The following IL1RAPL1 variants were observed in gnomAD, a reference collection of about 807,000 sequenced individuals.
IL1RAPL1 encodes interleukin 1 receptor accessory protein like 1, also known as interleukin-1 receptor accessory protein-like 1.
A neutral mutation model predicts 48.4 loss-of-function variants in IL1RAPL1; 3 were observed. The observed-to-expected ratio is 0.06, with a 90% CI of 0.03 to 0.16. IL1RAPL1 has a LOEUF of 0.16. IL1RAPL1 is among the 10% of genes least tolerant of loss of function. The pLI, the probability that IL1RAPL1 is intolerant of heterozygous loss-of-function variation, is 1.00. For synonymous variants in IL1RAPL1, 185 were observed against 187.7 expected, an observed-to-expected ratio of 0.99 and a Z score of 0.12; for missense variants, 349 against 530.6, an observed-to-expected ratio of 0.66 and a Z score of 3.36.
At chrX:29,132,378 A>G (rs1929039770) in intron 2 of IL1RAPL1, among the ~76,000 whole-genome samples, 1 of 112,249 alleles carries the variant, frequency 8.9e-6, no homozygotes, top group South Asian at 3.7e-4. Flanking sequence ...CTATAATGTC[A>G]TAGTGTAACA....
At chrX:29,757,398 T>G (rs760279937) in intron 6 of IL1RAPL1, among the ~76,000 whole-genome samples, 1 of 111,772 alleles carries the variant, frequency 8.9e-6, no homozygotes, top group African/African-American at 3.3e-5. Flanking sequence ...AGAAATATAA[T>G]ATGGAGCTAT....
chrX:29,806,684 A>T (rs1452846404), intron 6 of IL1RAPL1, among the ~76,000 whole-genome samples: 3 of 111,482 alleles, frequency 2.7e-5, no homozygotes, highest in African/African-American at 9.8e-5. Context: ...TTAATTTTTT[A>T]AAGTATCATT....
intron 5 of IL1RAPL1, among the ~76,000 whole-genome samples, chrX:29,632,962 A>T (rs766124851): frequency 5.4e-4 from 60 of 112,130 alleles, no homozygotes; most frequent in African/African-American, 1.8e-3. Context: ...TATCATTTTT[A>T]AAAACTGTCA....
At chrX:29,625,557 A>G (rs1341415931) in intron 5 of IL1RAPL1, among the ~76,000 whole-genome samples, 1 of 111,939 alleles carries the variant, frequency 8.9e-6, no homozygotes, top group African/African-American at 3.2e-5. Context: ...TTCAAACTAC[A>G]CAATTCTATA....
chrX:28,726,245 G>A (rs775718233), intron 1 of IL1RAPL1, among the ~76,000 whole-genome samples: 2 of 111,989 alleles, frequency 1.8e-5, no homozygotes, highest in South Asian at 3.7e-4. Flanking sequence ...TGAGTCTCAG[G>A]TGACTCCAAA....
chrX:29,047,542 A>G (rs1926999165), intron 2 of IL1RAPL1, among the ~76,000 whole-genome samples: 1 of 111,854 alleles, frequency 8.9e-6, no homozygotes. Flanking sequence ...GCATTTTCAA[A>G]ATGGCAAAGA....
chrX:29,944,074 G>A (rs1247443391), intron 9 of IL1RAPL1, among the ~76,000 whole-genome samples: 1 of 111,596 alleles, frequency 9.0e-6, no homozygotes, highest in East Asian at 2.8e-4. Flanking sequence ...GCACAATCGA[G>A]GGTCTAACTA....
At chrX:29,532,832 G>C (rs1448852845) in intron 5 of IL1RAPL1, among the ~76,000 whole-genome samples, 1 of 111,820 alleles carries the variant, frequency 8.9e-6, no homozygotes, top group East Asian at 2.8e-4. Flanking sequence ...TTAACTTGCA[G>C]TAAGGTGAAG....
rs769693378 is a variant in IL1RAPL1 at position 28,965,539 on chromosome X, A to T, written c.82+176114A>T. ...AGGAATTAAGTTATAGTCTCTAAGGACAGCTTCAAAACTTCACAACTCATT... is the reference window on the plus strand; with the variant it reads ...AGGAATTAAGTTATAGTCTCTAAGGTCAGCTTCAAAACTTCACAACTCATT... On this transcript the variant is annotated intron_variant, in intron 2 of 10. Coordinates refer to ENST00000378993, the MANE Select transcript of IL1RAPL1 (RefSeq NM_014271.4). 7.1e-5 allele frequency among the ~76,000 whole-genome samples: 8 copies of T among 112,103 alleles called. No homozygotes were observed. In the South Asian group the frequency reaches 3.0e-3, roughly 42 times the overall value.
At chrX:28,683,067 A>G (rs1020960066) in intron 1 of IL1RAPL1, among the ~76,000 whole-genome samples, 4 of 112,074 alleles carry the variant, frequency 3.6e-5, no homozygotes, top group Non-Finnish European at 7.5e-5. Context: ...CATCATGATG[A>G]GAACATTTTT....
chrX:29,087,356 T>G (rs1291466428), intron 2 of IL1RAPL1, among the ~76,000 whole-genome samples: 2 of 110,194 alleles, frequency 1.8e-5, no homozygotes, highest in African/African-American at 6.6e-5. Flanking sequence ...CAGGCTGGTC[T>G]GGATCTCTTG....
chrX:29,044,524 G>A (rs1322130228), intron 2 of IL1RAPL1, among the ~76,000 whole-genome samples: 1 of 110,371 alleles, frequency 9.1e-6, no homozygotes, highest in African/African-American at 3.3e-5. Context: ...TCATTGCTCT[G>A]TTTTTTTTAA....
chrX:29,365,262 C>T (rs894540422), intron 3 of IL1RAPL1, among the ~76,000 whole-genome samples: 6 of 111,647 alleles, frequency 5.4e-5, no homozygotes, highest in Admixed American at 9.5e-5. Context: ...TAGCACCAAT[C>T]GTTACAAATG....
At chrX:28,906,771 A>G (rs1923228556) in intron 2 of IL1RAPL1, among the ~76,000 whole-genome samples, 1 of 111,450 alleles carries the variant, frequency 9.0e-6, no homozygotes, top group African/African-American at 3.3e-5. Context: ...TTGAGTATCT[A>G]TTATGTATCA....
At chrX:28,917,544 A>G (rs757753409) in intron 2 of IL1RAPL1, among the ~76,000 whole-genome samples, 2 of 111,844 alleles carry the variant, frequency 1.8e-5, no homozygotes, top group African/African-American at 6.5e-5. Context: ...GTTCAAGTAC[A>G]GTGATTCAGT....
chrX:29,940,527 A>G (rs899210865), intron 8 of IL1RAPL1, among the ~76,000 whole-genome samples: 2 of 112,263 alleles, frequency 1.8e-5, no homozygotes, highest in African/African-American at 6.5e-5. Context: ...GGAAACTAGT[A>G]CTTTTCAAGG....
intron 8 of IL1RAPL1, among the ~76,000 whole-genome samples, chrX:29,924,248 A>T (rs1175025339): frequency 8.9e-6 from 1 of 112,262 alleles, no homozygotes; most frequent in Non-Finnish European, 1.9e-5. Context: ...CTAATGAAGG[A>T]TGCAGCAATT....
chrX:29,534,669 G>C (rs186814003), intron 5 of IL1RAPL1, among the ~76,000 whole-genome samples: 62 of 109,572 alleles, frequency 5.7e-4, no homozygotes, highest in Middle Eastern at 5.0e-3. Flanking sequence ...ACCTCATCTC[G>C]ACAAAAAAGA....
intron 5 of IL1RAPL1, among the ~76,000 whole-genome samples, chrX:29,402,863 A>T (rs1361335039): frequency 9.1e-6 from 1 of 109,927 alleles, no homozygotes; most frequent in Non-Finnish European, 1.9e-5. Context: ...TTTTTCTGAG[A>T]TTTTTTCATG....
Sources: gnomAD v4.1 joint callset for allele counts (sites outside exome capture counted in the v4.1 genomes callset) on GRCh38, gnomAD v4.1.1 for gene constraint, MANE v1.5 for transcripts, NCBI Gene and HGNC (gene_info 2026-07-23, HGNC 2026-07-21) for gene names.